Variants in IMMP2L observed in about 807,000 individuals in gnomAD.
IMMP2L encodes mitochondrial inner membrane protease subunit 2.
Under a neutral mutation model 19.3 loss-of-function variants are expected in IMMP2L, and 18 were observed. The observed-to-expected ratio is 0.93, with a 90% CI of 0.64 to 1.38. The LOEUF is 1.38. Among genes scored for constraint, IMMP2L ranks in the 40% most tolerant of loss-of-function variants. IMMP2L has a pLI of 0.00. For synonymous variants in IMMP2L, 76 were observed against 73.0 expected, an observed-to-expected ratio of 1.04 and a Z score of -0.21; for missense variants, 233 against 218.2, an observed-to-expected ratio of 1.07 and a Z score of -0.43.
At chr7:111,377,510 T>C (rs1830790231) in intron 3 of IMMP2L, among the ~76,000 whole-genome samples, 1 of 152,016 alleles carries the variant, frequency 6.6e-6, no homozygotes, top group Non-Finnish European at 1.5e-5. Context: ...CTCCATTCTA[T>C]GTCATTCTAG....
intron 4 of IMMP2L, among the ~76,000 whole-genome samples, chr7:110,954,691 CAGTTTGAGTTCAT>C (rs559975371): frequency 1.9e-3 from 286 of 152,190 alleles, no homozygotes; most frequent in Non-Finnish European, 3.4e-3. Flanking sequence ...TGAACCAAGG[CAGTTTGAGTTCAT>C]AGTTTGTGCT....
At chr7:111,231,326 C>G (rs1813695008) in intron 3 of IMMP2L, among the ~76,000 whole-genome samples, 1 of 151,792 alleles carries the variant, frequency 6.6e-6, no homozygotes, top group East Asian at 1.9e-4. Flanking sequence ...ATATCAAAAC[C>G]CCATCTTGCA....
chr7:111,493,420 A>AG (rs1409122834), intron 2 of IMMP2L, among the ~76,000 whole-genome samples: 1 of 152,152 alleles, frequency 6.6e-6, no homozygotes, highest in Non-Finnish European at 1.5e-5. Flanking sequence ...GAAAAAAAAC[A>AG]GGCCGGGCGC....
chr7:111,210,449 A>G (rs1386810758), intron 3 of IMMP2L, among the ~76,000 whole-genome samples: 1 of 152,194 alleles, frequency 6.6e-6, no homozygotes, highest in East Asian at 1.9e-4. Flanking sequence ...CTTTTCAACT[A>G]GGCAGATAGG....
At chr7:111,363,392 G>A (rs1300709654) in intron 3 of IMMP2L, among the ~76,000 whole-genome samples, 1 of 152,002 alleles carries the variant, frequency 6.6e-6, no homozygotes, top group Non-Finnish European at 1.5e-5. Flanking sequence ...GACCTAAGAA[G>A]CAGAGAAATA....
chr7:110,910,525 G>A (rs1204289678), intron 4 of IMMP2L, among the ~76,000 whole-genome samples: 1 of 152,110 alleles, frequency 6.6e-6, no homozygotes, highest in Non-Finnish European at 1.5e-5. Context: ...TTTTGATGTA[G>A]GATGGCAACA....
At chr7:110,747,443 C>T (rs779442602) in intron 5 of IMMP2L, among the ~76,000 whole-genome samples, 4 of 151,968 alleles carry the variant, frequency 2.6e-5, no homozygotes, top group African/African-American at 4.8e-5. Flanking sequence ...AGAGACACAA[C>T]AAAAAAGGAA....
chr7:110,835,901 G>T (rs1804415897), intron 5 of IMMP2L, among the ~76,000 whole-genome samples: 1 of 151,922 alleles, frequency 6.6e-6, no homozygotes, highest in Non-Finnish European at 1.5e-5. Context: ...TTCCCAATGG[G>T]TCACTGACTT....
intron 3 of IMMP2L, among the ~76,000 whole-genome samples, chr7:111,370,818 T>C (rs1830198061): frequency 6.6e-6 from 1 of 151,916 alleles, no homozygotes. Context: ...TACAACCAGG[T>C]AAGTTTTATT....
At chr7:110,775,515 A>G (rs999907715) in intron 5 of IMMP2L, among the ~76,000 whole-genome samples, 3 of 152,030 alleles carry the variant, frequency 2.0e-5, no homozygotes, top group African/African-American at 7.2e-5. Flanking sequence ...AGAGCAGCCC[A>G]TGGAGGTTTT....
chr7:110,744,096 G>A (rs1381459531), intron 5 of IMMP2L, among the ~76,000 whole-genome samples: 1 of 152,156 alleles, frequency 6.6e-6, no homozygotes, highest in Non-Finnish European at 1.5e-5. Context: ...CCATTGCTGA[G>A]GCTTAAGTAG....
At chr7:111,320,876 T>C (rs1213496516) in intron 3 of IMMP2L, among the ~76,000 whole-genome samples, 1 of 152,016 alleles carries the variant, frequency 6.6e-6, no homozygotes, top group Non-Finnish European at 1.5e-5. Flanking sequence ...CAATCACTGA[T>C]TATTAGATCC....
At chr7:111,233,922 G>A (rs963735596) in intron 3 of IMMP2L, among the ~76,000 whole-genome samples, 3 of 151,792 alleles carry the variant, frequency 2.0e-5, no homozygotes, top group Admixed American at 6.6e-5. Flanking sequence ...GCACCATCTC[G>A]CAAAGTAAAT....
At chr7:111,088,378 A>T (rs2129577400) in intron 3 of IMMP2L, among the ~76,000 whole-genome samples, 1 of 152,336 alleles carries the variant, frequency 6.6e-6, no homozygotes, top group African/African-American at 2.4e-5. Context: ...GGTAACATGT[A>T]CAACCATGTA....
intron 4 of IMMP2L, among the ~76,000 whole-genome samples, chr7:110,917,671 A>G (rs113389497): frequency 6.6e-6 from 1 of 152,314 alleles, no homozygotes. Context: ...CCTGGAACGA[A>G]GGCAAAGAAT....
chr7:111,047,151 G>C (rs565568993), intron 3 of IMMP2L, among the ~76,000 whole-genome samples: 2 of 149,938 alleles, frequency 1.3e-5, no homozygotes, highest in Non-Finnish European at 3.0e-5. Context: ...TAACCAGGCA[G>C]TTTAACTTCA....
chr7:111,061,314 C>T (rs1391508364), intron 3 of IMMP2L, among the ~76,000 whole-genome samples: 2 of 152,138 alleles, frequency 1.3e-5, no homozygotes, highest in Non-Finnish European at 2.9e-5. Flanking sequence ...ATCAATGAAG[C>T]AGGAAAGACT....
intron 3 of IMMP2L, among the ~76,000 whole-genome samples, chr7:111,396,726 T>A (rs916793632): frequency 1.3e-5 from 2 of 152,104 alleles, no homozygotes; most frequent in African/African-American, 4.8e-5. Context: ...TACAATACTA[T>A]CATAACAATA....
intron 5 of IMMP2L, among the ~76,000 whole-genome samples, chr7:110,773,792 A>G (rs1799191675): frequency 2.6e-5 from 4 of 151,022 alleles, no homozygotes; most frequent in African/African-American, 7.3e-5. Flanking sequence ...CAGGAGGGCA[A>G]TTAGGCAAGT....
Sources: gnomAD v4.1 joint callset for allele counts (sites outside exome capture counted in the v4.1 genomes callset) on GRCh38, gnomAD v4.1.1 for gene constraint, MANE v1.5 for transcripts, NCBI Gene and HGNC (gene_info 2026-07-23, HGNC 2026-07-21) for gene names.